The following STK4 variants were observed in gnomAD, a reference collection of about 807,000 sequenced individuals.
STK4 encodes serine/threonine kinase 4.
STK4 carries 30 observed loss-of-function variants against 64.9 expected under a neutral mutation model. That is an observed-to-expected ratio of 0.46 (90% CI 0.35 to 0.63). STK4 has a LOEUF of 0.63. Ranked by LOEUF, STK4 falls within the 20% of genes least tolerant of loss-of-function variation. STK4 has a pLI of 0.01. For missense variants in STK4, 466 were observed against 598.5 expected, an observed-to-expected ratio of 0.78 and a Z score of 2.31; for synonymous variants, 177 against 199.0, an observed-to-expected ratio of 0.89 and a Z score of 0.93.
At position 45,001,292 on chromosome 20, in the gene STK4, A is replaced by C. The variant is rs201046502; in HGVS notation, c.1086A>C (p.Pro362=). 3 of 1,614,106 alleles carry C rather than the reference A, an allele frequency of 1.9e-6. No individual in the cohort carries two copies. The highest frequency in any genetic ancestry group is 1.3e-5 in the African/African-American group (1 of 74,940). Residue 362 remains proline (P), a synonymous_variant, in exon 9 of 11, where the codon CCA becomes CCC. Transcript: ENST00000372806. ...TGATTGAGCACGATGACACGTTGCC[A>C]TCACAACTGGGCACCATGGTGATCA... ...NTMIEHDDTL[P]SQLGTMVINA...
rs189226313 is a variant in STK4, at chr20:45,027,643, G to A, written c.1305+2513G>A. 1.5e-4 allele frequency among the ~76,000 whole-genome samples: 23 copies of A among 152,174 alleles called. No individual in the cohort carries two copies. The East Asian group carries it at 2.9e-3, about 19-fold the overall frequency. On this transcript the variant is annotated intron_variant, in intron 10 of 10. Transcript: ENST00000372806. ...TTGGGAACATTATAAATCTTCAGCCGTTTTGAAGTATACAATAAATTATTA... is the reference window on the plus strand; with the variant it reads ...TTGGGAACATTATAAATCTTCAGCCATTTTGAAGTATACAATAAATTATTA...
At chr20:45,006,249 G>T (rs768408071) in intron 9 of STK4, among the ~76,000 whole-genome samples, 1 of 142,650 alleles carries the variant, frequency 7.0e-6, no homozygotes. Context: ...ATTTTGTTTC[G>T]GATGTATTTA....
intron 10 of STK4, among the ~76,000 whole-genome samples, chr20:45,062,685 G>A (rs1979146515): frequency 6.6e-6 from 1 of 151,946 alleles, no homozygotes; most frequent in Non-Finnish European, 1.5e-5. Flanking sequence ...TTGAGACGGA[G>A]TCTCGCTTTG....
intron 8 of STK4, 190 bp downstream of exon 8, chr20:45,000,710 C>A: frequency 1.3e-6 from 1 of 778,010 alleles, no homozygotes; most frequent in Non-Finnish European, 2.0e-6. Context: ...TCTCCCAGTG[C>A]TTCCTAAAAC....
chr20:45,016,871 G>A (rs1302837868), intron 9 of STK4, among the ~76,000 whole-genome samples: 1 of 152,158 alleles, frequency 6.6e-6, no homozygotes, highest in Non-Finnish European at 1.5e-5. Context: ...TGGTCCTTAA[G>A]CCTAAGAGGC....
At chr20:45,065,325 T>C (rs908173106) in intron 10 of STK4, among the ~76,000 whole-genome samples, 1 of 152,184 alleles carries the variant, frequency 6.6e-6, no homozygotes, top group African/African-American at 2.4e-5. Context: ...GATTAACCTT[T>C]TTATGTGCCG....
chr20:44,998,527 A>G (rs1451796832), intron 7 of STK4, among the ~76,000 whole-genome samples: 2 of 152,170 alleles, frequency 1.3e-5, no homozygotes, highest in Non-Finnish European at 2.9e-5. Flanking sequence ...TTTTATAACC[A>G]ATGTATATAT....
chr20:45,039,534 T>C (rs374022124), intron 10 of STK4, among the ~76,000 whole-genome samples: 12 of 152,160 alleles, frequency 7.9e-5, no homozygotes, highest in African/African-American at 2.4e-4. Flanking sequence ...GTCTGCCAGA[T>C]ACCCAAGTCT....
intron 9 of STK4, among the ~76,000 whole-genome samples, chr20:45,014,245 C>G (rs1042436995): frequency 6.6e-5 from 10 of 151,610 alleles, no homozygotes; most frequent in Non-Finnish European, 1.5e-4. Context: ...ACCAGCATGG[C>G]GAAACCCCAT....
chr20:45,052,650 T>A (rs972418515), intron 10 of STK4, among the ~76,000 whole-genome samples: 1 of 152,186 alleles, frequency 6.6e-6, no homozygotes, highest in African/African-American at 2.4e-5. Flanking sequence ...TATTGTTGCA[T>A]TTTTTTGCCT....
At chr20:45,050,124 A>G (rs1416804645) in intron 10 of STK4, among the ~76,000 whole-genome samples, 1 of 152,182 alleles carries the variant, frequency 6.6e-6, no homozygotes, top group Non-Finnish European at 1.5e-5. Flanking sequence ...CTGCAGAGAG[A>G]ACAGTCAGCA....
chr20:45,007,957 T>C (rs1464461122), intron 9 of STK4, among the ~76,000 whole-genome samples: 2 of 152,208 alleles, frequency 1.3e-5, no homozygotes, highest in Non-Finnish European at 2.9e-5. Flanking sequence ...GCTCAGTGTT[T>C]AGCTCCCACT....
chr20:45,030,827 A>C (rs1258780824), intron 10 of STK4, among the ~76,000 whole-genome samples: 2 of 152,224 alleles, frequency 1.3e-5, no homozygotes, highest in Non-Finnish European at 2.9e-5. Flanking sequence ...TGCCATTCAT[A>C]AAGCCACAAA....
chr20:45,018,245 C>T (rs963381029), intron 9 of STK4, among the ~76,000 whole-genome samples: 1 of 152,124 alleles, frequency 6.6e-6, no homozygotes. Flanking sequence ...TGCAAACATT[C>T]ATGCATGAAA....
At chr20:45,048,626 C>T (rs2068731383) in intron 10 of STK4, among the ~76,000 whole-genome samples, 1 of 152,206 alleles carries the variant, frequency 6.6e-6, no homozygotes, top group South Asian at 2.1e-4. Context: ...CTGCCTCAGC[C>T]TCCCGCCACC....
intron 3 of STK4, among the ~76,000 whole-genome samples, chr20:44,979,976 G>C (rs1277655768): frequency 1.3e-5 from 2 of 152,156 alleles, no homozygotes; most frequent in Non-Finnish European, 2.9e-5. Flanking sequence ...GTATGGAAAT[G>C]TCTTTAATTA....
chr20:45,005,296 C>T (rs1487240992), intron 9 of STK4, among the ~76,000 whole-genome samples: 1 of 152,034 alleles, frequency 6.6e-6, no homozygotes, highest in Non-Finnish European at 1.5e-5. Flanking sequence ...TTTTTTCAAA[C>T]TGCCTCTCTC....
intron 10 of STK4, among the ~76,000 whole-genome samples, chr20:45,051,990 A>C (rs1256257125): frequency 1.3e-5 from 2 of 152,190 alleles, no homozygotes; most frequent in African/African-American, 4.8e-5. Flanking sequence ...CGTAATCCCA[A>C]ATCCAAAAAT....
chr20:44,976,421 T>C (rs998002540), intron 2 of STK4, among the ~76,000 whole-genome samples: 1 of 152,214 alleles, frequency 6.6e-6, no homozygotes, highest in Non-Finnish European at 1.5e-5. Flanking sequence ...TGAAGAAGTT[T>C]ATGAAGTGCC....
Sources: gnomAD v4.1 joint callset for allele counts (sites outside exome capture counted in the v4.1 genomes callset) on GRCh38, gnomAD v4.1.1 for gene constraint, MANE v1.5 for transcripts, NCBI Gene and HGNC (gene_info 2026-07-23, HGNC 2026-07-21) for gene names.